RPTOR: variants seen among roughly 807,000 people sequenced by gnomAD.
The protein encoded by RPTOR is regulatory associated protein of MTOR complex 1.
In RPTOR, 21 loss-of-function variants were observed where a neutral mutation model predicts 169.9. The ratio of observed to expected loss-of-function variants is 0.12; its 90% CI spans 0.09 to 0.18. The LOEUF is 0.18. RPTOR is among the 10% of genes least tolerant of loss of function. The pLI, the probability that RPTOR is intolerant of heterozygous loss-of-function variation, is 1.00. For missense variants in RPTOR, 1,133 were observed against 1,855.9 expected, an observed-to-expected ratio of 0.61 and a Z score of 7.16; for synonymous variants, 732 against 753.2, an observed-to-expected ratio of 0.97 and a Z score of 0.46.
At position 80,960,249 on chromosome 17, in the gene RPTOR, A is replaced by G; in HGVS notation, c.3605+44A>G. ...CTCCCTCCCCGAGTGCTGGCAGGGT[A>G]CCTTCCAGGTGGTAGGGCCGTGTCA... On this transcript the variant is annotated intron_variant, in intron 30 of 33. Transcript: ENST00000306801. The surrounding 1 kb of genome is among the most constrained non-coding windows in gnomAD (Gnocchi z 4.8). The G allele has an allele frequency of 6.2e-7, 1 of 1,609,462 alleles. No homozygotes were observed. The highest frequency in any genetic ancestry group is 8.5e-7 in the Non-Finnish European group (1 of 1,177,150).
intron 5 of RPTOR, among the ~76,000 whole-genome samples, chr17:80,751,670 C>T (rs12601089): frequency 0.18 from 26,965 of 152,136 alleles, 2,834 homozygotes; most frequent in East Asian, 0.24. Context: ...TTTACAATAG[C>T]GCCTCCTCTT....
chr17:80,669,974 G>C, intron 3 of RPTOR, among the ~76,000 whole-genome samples: 1 of 152,248 alleles, frequency 6.6e-6, no homozygotes, highest in South Asian at 2.1e-4. Flanking sequence ...CATCACTCAG[G>C]TATCTTTAGA....
At chr17:80,662,912 C>A (rs1000533516) in intron 3 of RPTOR, among the ~76,000 whole-genome samples, 4 of 152,162 alleles carry the variant, frequency 2.6e-5, no homozygotes, top group African/African-American at 9.7e-5. Flanking sequence ...TAAATTCCTC[C>A]CATGGTTAGC....
chr17:80,681,154 T>C (rs2065895077), intron 3 of RPTOR, among the ~76,000 whole-genome samples: 1 of 152,148 alleles, frequency 6.6e-6, no homozygotes, highest in Non-Finnish European at 1.5e-5. Context: ...CTGCCACGTG[T>C]TCTGCGGAGG....
chr17:80,661,817 G>A (rs997574358), intron 3 of RPTOR, among the ~76,000 whole-genome samples: 3 of 152,212 alleles, frequency 2.0e-5, no homozygotes, highest in East Asian at 1.9e-4. Flanking sequence ...GACAGTGGCT[G>A]TGATGAACGG....
chr17:80,638,994 A>C (rs969396322), intron 2 of RPTOR, among the ~76,000 whole-genome samples: 9 of 152,190 alleles, frequency 5.9e-5, no homozygotes, highest in African/African-American at 2.2e-4. Flanking sequence ...CCTGTCCCAG[A>C]TGCCTGCAGC....
At chr17:80,868,998 T>A (rs941742044) in intron 13 of RPTOR, among the ~76,000 whole-genome samples, 36 of 152,310 alleles carry the variant, frequency 2.4e-4, no homozygotes, top group African/African-American at 8.7e-4. Context: ...AGACCCCACC[T>A]AGACTGTGGC....
intron 32 of RPTOR, 29 bp downstream of exon 32, chr17:80,962,606 A>G (rs931873479): frequency 1.2e-5 from 19 of 1,577,898 alleles, no homozygotes; most frequent in Non-Finnish European, 1.7e-5. Flanking sequence ...CCTGGCCTGC[A>G]CCGCTCACCC....
chr17:80,767,139 G>A (rs1287315350), intron 6 of RPTOR, among the ~76,000 whole-genome samples: 2 of 152,290 alleles, frequency 1.3e-5, no homozygotes, highest in East Asian at 1.9e-4. Context: ...TTGGGAGGCC[G>A]AGGCAGGTGG....
intron 10 of RPTOR, among the ~76,000 whole-genome samples, chr17:80,840,464 A>T (rs1432865312): frequency 7.5e-6 from 1 of 132,840 alleles, no homozygotes; most frequent in Non-Finnish European, 1.5e-5. Context: ...TTTGCACCGC[A>T]GCTCACGCTC....
intron 5 of RPTOR, among the ~76,000 whole-genome samples, chr17:80,732,000 A>G (rs879798951): frequency 4.6e-5 from 7 of 152,308 alleles, no homozygotes; most frequent in Admixed American, 3.9e-4. Context: ...TTTGTTTTCT[A>G]TGATAAGGGA....
chr17:80,595,200 G>A (rs769090376), intron 1 of RPTOR, among the ~76,000 whole-genome samples: 4 of 152,058 alleles, frequency 2.6e-5, no homozygotes, highest in Non-Finnish European at 4.4e-5. Context: ...TTGATTTTGG[G>A]GTTTCTACTG....
chr17:80,556,729 A>G (rs1642684509), intron 1 of RPTOR, among the ~76,000 whole-genome samples: 1 of 151,642 alleles, frequency 6.6e-6, no homozygotes, highest in South Asian at 2.1e-4. Flanking sequence ...TATACTTTTC[A>G]TTAGTGAGTC....
Position 80,823,335 on chromosome 17 carries a change from C to T in RPTOR, c.1136+112C>T, listed in dbSNP as rs1390805664. The T allele has an allele frequency of 2.6e-5, 35 of 1,356,926 alleles. No homozygotes were observed. In the Middle Eastern group the frequency reaches 1.1e-3, roughly 42 times the overall value. 84.1% of individuals were successfully genotyped at this position (1,356,926 alleles called of 1,614,324 possible). On this transcript the variant is annotated intron_variant, in intron 9 of 33. Coordinates refer to ENST00000306801, the MANE Select transcript of RPTOR (RefSeq NM_020761.3). The surrounding 1 kb of genome is among the most constrained non-coding windows in gnomAD (Gnocchi z 4.5). ...GAGGCCCCACACCTAACTTGGGGAC[C>T]CCGTGTAGCATTAACAAGTGAAGCT...
At chr17:80,647,949 C>T (rs1165343136) in intron 3 of RPTOR, among the ~76,000 whole-genome samples, 2 of 152,210 alleles carry the variant, frequency 1.3e-5, no homozygotes, top group South Asian at 2.1e-4. Context: ...TGTCAGCTTC[C>T]CTTCAGTTCA....
intron 1 of RPTOR, among the ~76,000 whole-genome samples, chr17:80,553,325 G>T (rs140049606): frequency 4.6e-5 from 7 of 152,294 alleles, no homozygotes; most frequent in African/African-American, 1.7e-4. Flanking sequence ...AGGAATCACC[G>T]ACAGGCCGCC....
At position 80,961,268 on chromosome 17, in the gene RPTOR, A is replaced by C. The variant is rs971277041; in HGVS notation, c.3606-126A>C. 5.0e-6 allele frequency: 4 copies of C among 794,462 alleles called. No individual in the cohort carries two copies. The African/African-American group carries it at 5.2e-5, about 10-fold the overall frequency. The allele number at this position is 794,462 out of a possible 1,614,324, so 49.2% of individuals were successfully genotyped here. ...GCGTGAGCACTAGCCCCTCGTGGGGAGCGGACGGGCGAGGGCCTGCGGACC... is the reference window on the plus strand; with the variant it reads ...GCGTGAGCACTAGCCCCTCGTGGGGCGCGGACGGGCGAGGGCCTGCGGACC... On this transcript the variant is annotated intron_variant, in intron 30 of 33. Transcript: ENST00000306801.
rs2065701428 is a variant in RPTOR, at chr17:80,659,125, C to T, written c.348+15315C>T. Among the ~76,000 whole-genome samples the T allele has an allele frequency of 6.6e-6, 1 of 152,220 alleles. No individual in the cohort carries two copies. Among genetic ancestry groups the T allele is most frequent in the Non-Finnish European group, 1.5e-5 (1 of 68,044 alleles). On this transcript the variant is annotated intron_variant, in intron 3 of 33. Transcript: ENST00000306801. This position sits in a 1 kb window ranked among gnomAD's most constrained non-coding sequence, Gnocchi z 4.3. ...CCCGATTGTGGAATGGTGGTGGCAG[C>T]ATCACGTCCTGCAGGCTGGAGCCCA...
chr17:80,809,349 G>A (rs899058673), intron 7 of RPTOR, among the ~76,000 whole-genome samples: 2 of 152,002 alleles, frequency 1.3e-5, no homozygotes, highest in African/African-American at 4.8e-5. Flanking sequence ...GCGCCACCAC[G>A]CCCAGCTGAT....
Sources: gnomAD v4.1 joint callset for allele counts (sites outside exome capture counted in the v4.1 genomes callset) on GRCh38, gnomAD v4.1.1 for gene constraint, Gnocchi (gnomAD v3.1) non-coding constraint, MANE v1.5 for transcripts, NCBI Gene and HGNC (gene_info 2026-07-23, HGNC 2026-07-21) for gene names.